PGM5: variants seen among roughly 807,000 people sequenced by gnomAD.
PGM5 encodes the protein phosphoglucomutase-like protein 5.
In PGM5, 23 loss-of-function variants were observed where a neutral mutation model predicts 59.2. The ratio of observed to expected loss-of-function variants is 0.39; its 90% CI spans 0.28 to 0.55. The LOEUF is 0.55. Among genes scored for constraint, PGM5 ranks in the 20% least tolerant of loss-of-function variants. The pLI is 0.66. For synonymous variants in PGM5, 214 were observed against 286.0 expected (o/e 0.75, Z 2.54); for missense variants, 574 against 748.3 (o/e 0.77, Z 2.72).
At chr9:68,514,388 G>A (rs1824794838) in intron 10 of PGM5, among the ~76,000 whole-genome samples, 1 of 152,096 alleles carries the variant, frequency 6.6e-6, no homozygotes, top group Non-Finnish European at 1.5e-5. Context: ...AATCACCTGA[G>A]GTCAGGAGTT....
At chr9:68,404,058 C>T (rs149847125) in intron 6 of PGM5, among the ~76,000 whole-genome samples, 121 of 152,264 alleles carry the variant, frequency 7.9e-4, no homozygotes, top group African/African-American at 2.0e-3. Flanking sequence ...TATTAGGCTT[C>T]GGCAGCTTTT....
At chr9:68,521,488 G>A (rs1173495505) in intron 10 of PGM5, among the ~76,000 whole-genome samples, 1 of 152,114 alleles carries the variant, frequency 6.6e-6, no homozygotes, top group Non-Finnish European at 1.5e-5. Context: ...TTTTAACCTC[G>A]GTTTCAATCT....
rs188457519 is a variant in PGM5 at position 68,424,630 on chromosome 9, G to T, written c.1043+32157G>T. On this transcript the variant is annotated intron_variant, in intron 6 of 10. Transcript: ENST00000396396. ...TGGGTGTTCTTAAACAAGGCAGAAG[G>T]GTTCCATGGACAAAATAAATTTGGA... 3.9e-5 allele frequency among the ~76,000 whole-genome samples: 6 copies of T among 152,204 alleles called. No homozygotes were observed. In the East Asian group the frequency reaches 1.2e-3, roughly 29 times the overall value.
chr9:68,520,681 A>G lies in PGM5; in HGVS notation c.1615-8886A>G, dbSNP rs1475585310. The stretch of plus-strand genomic sequence containing the variant: ...AAAAAAGCTTTTGATAAAATGTATC[A>G]TCTCTTCATGATAAAAATTCTGTGA... On this transcript the variant is annotated intron_variant, in intron 10 of 10. Transcript: ENST00000396396. 2.6e-5 allele frequency among the ~76,000 whole-genome samples: 4 copies of G among 152,368 alleles called. No homozygotes were observed. The East Asian group carries it at 7.7e-4, about 29-fold the overall frequency.
At chr9:68,452,724 T>C (rs1554684480) in intron 6 of PGM5, among the ~76,000 whole-genome samples, 1 of 152,206 alleles carries the variant, frequency 6.6e-6, no homozygotes, top group Non-Finnish European at 1.5e-5. Context: ...AGCCATGCCT[T>C]CAGCTGTCCC....
intron 2 of PGM5, 37 bp from the exon 3 acceptor site, chr9:68,384,361 C>T (rs1554678644): frequency 6.6e-7 from 1 of 1,512,540 alleles, no homozygotes; most frequent in African/African-American, 1.4e-5. Flanking sequence ...ACTCACGAGA[C>T]TTTCAAAAAC....
intron 7 of PGM5, 109 bp downstream of exon 7, chr9:68,465,317 A>C (rs1242910245): frequency 2.8e-6 from 2 of 727,004 alleles, no homozygotes; most frequent in Admixed American, 4.7e-5. Flanking sequence ...AGTTAAGTAG[A>C]GGCAAAAAAT....
intron 1 of PGM5, among the ~76,000 whole-genome samples, chr9:68,373,450 CAG>C (rs1412352041): frequency 1.3e-5 from 2 of 152,124 alleles, no homozygotes; most frequent in Non-Finnish European, 2.9e-5. Flanking sequence ...CCTTCTTAAA[CAG>C]AATGTATATT....
At chr9:68,473,324 C>T (rs77274159) in intron 7 of PGM5, among the ~76,000 whole-genome samples, 1,804 of 152,286 alleles carry the variant, frequency 0.012, 31 homozygotes, top group African/African-American at 0.04. Context: ...TGCAGCTTGT[C>T]CTTTAGAAAG....
intron 10 of PGM5, 68 bp downstream of exon 10, chr9:68,499,429 G>T (rs1824535383): frequency 6.7e-7 from 1 of 1,493,092 alleles, no homozygotes; most frequent in South Asian, 1.2e-5. Flanking sequence ...AGCTCCATGG[G>T]CCTTTAGTGG....
intron 1 of PGM5, among the ~76,000 whole-genome samples, chr9:68,360,299 AAAT>A (rs1834551867): frequency 6.6e-6 from 1 of 151,480 alleles, no homozygotes; most frequent in East Asian, 1.9e-4. Flanking sequence ...AAAATTTTAT[AAAT>A]TAAAAATATA....
At chr9:68,483,059 C>A (rs1824224451) in intron 8 of PGM5, among the ~76,000 whole-genome samples, 1 of 152,132 alleles carries the variant, frequency 6.6e-6, no homozygotes, top group Non-Finnish European at 1.5e-5. Flanking sequence ...TTTCTTTTTA[C>A]CTTCCTTGAT....
intron 6 of PGM5, chr9:68,402,555 A>C (rs1822699977): frequency 6.6e-6 from 1 of 152,208 alleles, no homozygotes; most frequent in Admixed American, 6.5e-5. Flanking sequence ...GGACATAAAT[A>C]TATAGCCTGC....
At chr9:68,407,499 C>T (rs1236057288) in intron 6 of PGM5, among the ~76,000 whole-genome samples, 7 of 152,154 alleles carry the variant, frequency 4.6e-5, no homozygotes, top group Non-Finnish European at 1.0e-4. Flanking sequence ...TCACTGTTCC[C>T]TCTGTTAGGT....
At chr9:68,395,179 C>T (rs1298793310) in intron 6 of PGM5, among the ~76,000 whole-genome samples, 1 of 151,986 alleles carries the variant, frequency 6.6e-6, no homozygotes, top group Non-Finnish European at 1.5e-5. Context: ...AGGTAGGGGT[C>T]GAGGTTCACT....
At chr9:68,515,286 GTC>G (rs1564026989) in intron 10 of PGM5, among the ~76,000 whole-genome samples, 1 of 152,206 alleles carries the variant, frequency 6.6e-6, no homozygotes, top group Non-Finnish European at 1.5e-5. Context: ...GTGGGGAAGA[GTC>G]TCTCCTCGTT....
chr9:68,496,537 T>C (rs1180316457), intron 9 of PGM5, among the ~76,000 whole-genome samples: 3 of 152,198 alleles, frequency 2.0e-5, no homozygotes, highest in Non-Finnish European at 4.4e-5. Context: ...GCTGGACCAT[T>C]TCCAGTAGGC....
Position 68,376,765 on chromosome 9 carries a change from ATTTCTTTCTTTCTTTCTTTCTTTCTTTC to A in PGM5, c.262-1392_262-1365del, listed in dbSNP as rs71353048. On this transcript the variant is annotated intron_variant, in intron 1 of 10. Transcript: ENST00000396396. ...CCTTGGGTGGGCCTTGAGGTTCTGCATTTCTTTCTTTCTTTCTTTCTTTCTTTCTTTCTTTCTTTCTTTCTTTCTTTCT... is the reference window on the plus strand; with the variant it reads ...CCTTGGGTGGGCCTTGAGGTTCTGCATTTCTTTCTTTCTTTCTTTCTTTCT... Among the ~76,000 whole-genome samples the A allele has an allele frequency of 2.3e-3, 218 of 96,798 alleles. 2 individuals carry two copies. Among genetic ancestry groups the A allele is most frequent in the African/African-American group, 7.3e-3 (176 of 24,158 alleles). 63.5% of individuals were successfully genotyped at this position (96,798 alleles called of 152,430 possible).
intron 7 of PGM5, among the ~76,000 whole-genome samples, chr9:68,475,456 A>G (rs1824089352): frequency 6.6e-6 from 1 of 152,150 alleles, no homozygotes; most frequent in Non-Finnish European, 1.5e-5. Context: ...AACCATGTTA[A>G]GAGTTTGGTG....
Sources: allele counts gnomAD v4.1 joint callset (sites outside exome capture counted in the v4.1 genomes callset), GRCh38; gene constraint gnomAD v4.1.1; transcripts MANE v1.5; gene names NCBI Gene and HGNC (gene_info 2026-07-23, HGNC 2026-07-21).